Variants in MED13L observed in about 807,000 individuals in gnomAD.
The protein encoded by MED13L is mediator complex subunit 13L.
MED13L carries 7 observed loss-of-function variants against 220.9 expected under a neutral mutation model. That is an observed-to-expected ratio of 0.03 (90% CI 0.02 to 0.06). The LOEUF is 0.06. MED13L is among the 10% of genes least tolerant of loss of function. The pLI, the probability that MED13L is intolerant of heterozygous loss-of-function variation, is 1.00. For synonymous variants in MED13L, 1,011 were observed against 1,015.2 expected, an observed-to-expected ratio of 1.00 and a Z score of 0.08; for missense variants, 1,965 against 2,760.5, an observed-to-expected ratio of 0.71 and a Z score of 6.46.
At chr12:116,071,573 T>C (rs1380825994) in intron 4 of MED13L, among the ~76,000 whole-genome samples, 3 of 152,190 alleles carry the variant, frequency 2.0e-5, no homozygotes, top group Non-Finnish European at 4.4e-5. Flanking sequence ...ACTATAGGCA[T>C]GTGCCACCAT....
intron 8 of MED13L, among the ~76,000 whole-genome samples, chr12:116,013,143 T>C (rs1365134463): frequency 1.3e-5 from 2 of 152,146 alleles, no homozygotes; most frequent in South Asian, 2.1e-4. Flanking sequence ...GAGGCTAAGG[T>C]GGGCGGATTG....
At chr12:116,082,585 G>T (rs1593022405) in intron 4 of MED13L, 1 of 152,006 alleles carries the variant, frequency 6.6e-6, no homozygotes, top group Non-Finnish European at 1.5e-5. Context: ...CGCTTCAGAA[G>T]CATATACACA....
chr12:116,275,795 CTAAAT>C (rs1273522366), intron 1 of MED13L, among the ~76,000 whole-genome samples: 1 of 152,142 alleles, frequency 6.6e-6, no homozygotes, highest in African/African-American at 2.4e-5. Context: ...GTTTTTAAGG[CTAAAT>C]TAAATAAACC....
chr12:116,253,257 A>G (rs560717201), intron 1 of MED13L, among the ~76,000 whole-genome samples: 4 of 135,418 alleles, frequency 3.0e-5, no homozygotes, highest in African/African-American at 8.8e-5. Context: ...GGGCAATAAC[A>G]GCGAAACTCC....
chr12:116,034,240 A>G lies in MED13L; in HGVS notation c.480-11639T>C, dbSNP rs138834468. ...TGAGGACAGGAATCATATTTTACCT[A>G]TCATTTTGGACCCCAGTACTTAGTA... is the stretch of plus-strand genomic sequence containing the variant. On this transcript the variant is annotated intron_variant, in intron 4 of 30. Transcript: ENST00000281928. Among the ~76,000 whole-genome samples the G allele has an allele frequency of 3.8e-3, 581 of 152,170 alleles. 5 individuals are homozygous for G. The highest frequency in any genetic ancestry group is 0.02 in the Middle Eastern group (6 of 294).
At chr12:116,170,340 T>C (rs986985316) in intron 2 of MED13L, among the ~76,000 whole-genome samples, 1 of 152,200 alleles carries the variant, frequency 6.6e-6, no homozygotes, top group South Asian at 2.1e-4. Context: ...TCAGTTTTCC[T>C]TGAAAAACTT....
intron 4 of MED13L, among the ~76,000 whole-genome samples, chr12:116,058,928 A>G (rs1006603537): frequency 1.3e-5 from 2 of 152,248 alleles, no homozygotes; most frequent in Non-Finnish European, 2.9e-5. Context: ...TGGTACAAGT[A>G]TATGTACACT....
At chr12:116,113,841 GAA>G (rs1874301962) in intron 2 of MED13L, among the ~76,000 whole-genome samples, 1 of 59,026 alleles carries the variant, frequency 1.7e-5, no homozygotes, top group Non-Finnish European at 3.0e-5. Flanking sequence ...AGGGAGGGGG[GAA>G]GAGAGAGAGG....
chr12:116,055,424 C>T (rs962016275), intron 4 of MED13L, among the ~76,000 whole-genome samples: 1 of 152,192 alleles, frequency 6.6e-6, no homozygotes, highest in African/African-American at 2.4e-5. Flanking sequence ...TGTAAACTTT[C>T]GATCCCTACT....
intron 4 of MED13L, among the ~76,000 whole-genome samples, chr12:116,077,486 T>C (rs866186587): frequency 2.0e-5 from 3 of 152,222 alleles, no homozygotes; most frequent in Non-Finnish European, 2.9e-5. Flanking sequence ...GACAGTCATA[T>C]ATGCATATAC....
rs909087750 is a variant in MED13L, at chr12:115,959,669, A to T, written c.*1597T>A. On this transcript the variant is annotated 3_prime_UTR_variant, in exon 31 of 31. Coordinates refer to ENST00000281928, the MANE Select transcript of MED13L (RefSeq NM_015335.5). ...TTTATCCTATACATTGCGAAAGTCA[A>T]CCCCCCCTTCAACTGGTGGTACAGA... is the stretch of plus-strand genomic sequence containing the variant. 7 of 151,840 alleles carry T rather than the reference A, an allele frequency of 4.6e-5. No homozygotes were observed. Among genetic ancestry groups the T allele is most frequent in the African/African-American group, 1.5e-4 (6 of 41,156 alleles). 9.4% of individuals were successfully genotyped at this position (151,840 alleles called of 1,614,324 possible).
rs370549115 is a variant in MED13L at position 116,124,119 on chromosome 12, A to G, written c.311-12607T>C. Among the ~76,000 whole-genome samples the G allele has an allele frequency of 7.9e-4, 79 of 100,458 alleles. 1 individual carries two copies. The highest frequency in any genetic ancestry group is 1.5e-3 in the Admixed American group (14 of 9,198). 65.9% of individuals were successfully genotyped at this position (100,458 alleles called of 152,430 possible). A position where few individuals can be genotyped will look rare whatever the true frequency, so the allele number is the denominator to read the frequency against. ...AATAACATCTGCAGAGAGAGAGAGAAAGACGAGAGAGAGAGAGAGAGAGAG... is the reference window on the plus strand; with the variant it reads ...AATAACATCTGCAGAGAGAGAGAGAGAGACGAGAGAGAGAGAGAGAGAGAG... On this transcript the variant is annotated intron_variant, in intron 2 of 30. Coordinates refer to ENST00000281928, the MANE Select transcript of MED13L (RefSeq NM_015335.5).
intron 3 of MED13L, among the ~76,000 whole-genome samples, chr12:116,103,875 A>C (rs956786848): frequency 6.6e-6 from 1 of 152,106 alleles, no homozygotes; most frequent in South Asian, 2.1e-4. Flanking sequence ...TCCTGTTATC[A>C]CATTATACCC....
chr12:116,228,782 C>T (rs1056280125), intron 2 of MED13L, among the ~76,000 whole-genome samples: 2 of 152,036 alleles, frequency 1.3e-5, no homozygotes, highest in Admixed American at 6.6e-5. Flanking sequence ...TTATTTAGGC[C>T]CTAAATTCTA....
chr12:116,077,598 T>C (rs903222869), intron 4 of MED13L, among the ~76,000 whole-genome samples: 6 of 152,210 alleles, frequency 3.9e-5, no homozygotes, highest in African/African-American at 1.4e-4. Flanking sequence ...AAAGGGAATA[T>C]ATACATATGT....
At chr12:116,251,373 G>C (rs1483995420) in intron 1 of MED13L, among the ~76,000 whole-genome samples, 2 of 122,010 alleles carry the variant, frequency 1.6e-5, no homozygotes, top group African/African-American at 6.3e-5. Flanking sequence ...TGTTAGCCAC[G>C]ATGGTCTCGA....
At chr12:116,203,538 G>A (rs1273049220) in intron 2 of MED13L, among the ~76,000 whole-genome samples, 2 of 152,034 alleles carry the variant, frequency 1.3e-5, no homozygotes, top group Non-Finnish European at 2.9e-5. Flanking sequence ...ACAAGAGTGA[G>A]GCTGGGCGCA....
chr12:115,994,450 C>CA (rs1878269762), intron 16 of MED13L, among the ~76,000 whole-genome samples: 1 of 151,480 alleles, frequency 6.6e-6, no homozygotes, highest in Non-Finnish European at 1.5e-5. Context: ...ACCCTGTCTC[C>CA]AAAAAACCCC....
At chr12:116,262,213 T>C (rs1030144830) in intron 1 of MED13L, among the ~76,000 whole-genome samples, 2 of 152,188 alleles carry the variant, frequency 1.3e-5, no homozygotes, top group Non-Finnish European at 2.9e-5. Flanking sequence ...TAATTATTTA[T>C]ATAACTAAAA....
Sources: gnomAD v4.1 joint callset for allele counts (sites outside exome capture counted in the v4.1 genomes callset) on GRCh38, gnomAD v4.1.1 for gene constraint, MANE v1.5 for transcripts, NCBI Gene and HGNC (gene_info 2026-07-23, HGNC 2026-07-21) for gene names.